The following KIAA1549 variants were observed in gnomAD, a reference collection of about 807,000 sequenced individuals.
The protein encoded by KIAA1549 is KIAA1549, also known as UPF0606 protein KIAA1549.
In KIAA1549, 70 loss-of-function variants were observed where a neutral mutation model predicts 156.4. The observed-to-expected ratio is 0.45, with a 90% CI of 0.37 to 0.55. The LOEUF (loss-of-function observed/expected upper bound fraction) is 0.55. Among genes scored for constraint, KIAA1549 ranks in the 20% least tolerant of loss-of-function variants. The pLI is 0.00. For synonymous variants in KIAA1549, 1,103 were observed against 1,066.4 expected (o/e 1.03, Z -0.67); for missense variants, 2,428 against 2,540.9 (o/e 0.96, Z 0.96).
intron 8 of KIAA1549, among the ~76,000 whole-genome samples, chr7:138,901,596 A>ATTAG (rs1193309975): frequency 6.6e-6 from 1 of 152,126 alleles, no homozygotes; most frequent in Non-Finnish European, 1.5e-5. Flanking sequence ...AAGTGCTGGG[A>ATTAG]TTAGAGGTGT....
intron 8 of KIAA1549, among the ~76,000 whole-genome samples, chr7:138,903,221 A>G (rs1666006082): frequency 2.0e-5 from 3 of 152,138 alleles, no homozygotes. Flanking sequence ...TATCGCTATG[A>G]TGCTATCAAT....
At position 138,871,076 on chromosome 7, in the gene KIAA1549, C is replaced by A. The variant is rs78932570; in HGVS notation, c.4551+81G>T. The A allele has an allele frequency of 1.1e-4, 150 of 1,376,028 alleles. 1 individual carries two copies. Among genetic ancestry groups the A allele is most frequent in the South Asian group, 9.0e-4 (72 of 79,796 alleles). The allele number at this position is 1,376,028 out of a possible 1,614,324, so 85.2% of individuals were successfully genotyped here. ...AGGCGATCTGCCTGCCTTGGCCCCC[C>A]CAAGTGCTGGGATTACAGGCATAAG... On this transcript the variant is annotated intron_variant, in intron 13 of 19. Coordinates refer to ENST00000422774, the MANE Select transcript of KIAA1549 (RefSeq NM_001164665.2).
chr7:138,845,149 A>C (rs1025341588), intron 17 of KIAA1549, among the ~76,000 whole-genome samples: 10 of 152,194 alleles, frequency 6.6e-5, no homozygotes, highest in Admixed American at 2.6e-4. Context: ...TTAAAATGGA[A>C]AAAAAGTAAG....
chr7:138,964,719 T>C (rs1404326270), intron 1 of KIAA1549, among the ~76,000 whole-genome samples: 2 of 152,218 alleles, frequency 1.3e-5, no homozygotes, highest in Non-Finnish European at 2.9e-5. Context: ...CAATAAAGAC[T>C]GGTCACAGCC....
intron 9 of KIAA1549, among the ~76,000 whole-genome samples, chr7:138,895,980 G>A (rs1370126190): frequency 4.4e-5 from 4 of 90,028 alleles, no homozygotes; most frequent in Admixed American, 1.3e-4. Context: ...CACCCCACCC[G>A]GCCCCCACTT....
Position 138,832,154 on chromosome 7 carries a change from T to G in KIAA1549, c.*5752A>C. ...AATCAGGGACTGCAAGAGACTCAAGTCACTCAAAATTTCACCTCTGTCCCT... is the reference window on the plus strand; with the variant it reads ...AATCAGGGACTGCAAGAGACTCAAGGCACTCAAAATTTCACCTCTGTCCCT... On this transcript the variant is annotated 3_prime_UTR_variant, in exon 20 of 20. Transcript: ENST00000422774. 1 of 219,234 alleles carries G rather than the reference T, an allele frequency of 4.6e-6. No homozygotes were observed. Among genetic ancestry groups the G allele is most frequent in the Non-Finnish European group, 9.1e-6 (1 of 109,720 alleles). The allele number at this position is 219,234 out of a possible 1,614,324, so 13.6% of individuals were successfully genotyped here. A position where few individuals can be genotyped will look rare whatever the true frequency, so the allele number is the denominator to read the frequency against.
At chr7:138,943,397 T>C (rs1335801971) in intron 1 of KIAA1549, among the ~76,000 whole-genome samples, 1 of 152,236 alleles carries the variant, frequency 6.6e-6, no homozygotes, top group Non-Finnish European at 1.5e-5. Context: ...CTCATGCCTG[T>C]GGAAGAAAAC....
chr7:138,917,759 C>A lies in KIAA1549; in HGVS notation c.1867G>T (p.Ala623Ser). The A allele has an allele frequency of 6.3e-7, 1 of 1,580,928 alleles. No individual in the cohort carries two copies. ...GGGGGTGTTGAGAAAAAGCTGGATG[C>A]AAAATCCAAAGCACCTCTGGGTTTA... ...EHKPRGALDF[A>S]SSFFSTPPLE... Residue 623 changes from alanine (A) to serine (S), a missense_variant, in exon 2 of 20, where the codon GCA (alanine) becomes TCA (serine). Ala to Ser is a moderately conservative substitution (Grantham distance 99). Coordinates refer to ENST00000422774, the MANE Select transcript of KIAA1549 (RefSeq NM_001164665.2).
At position 138,855,554 on chromosome 7, in the gene KIAA1549, T is replaced by C. The variant is rs114222211; in HGVS notation, c.5248-3285A>G. On this transcript the variant is annotated intron_variant, in intron 16 of 19. Transcript: ENST00000422774. ...TAAATGACTCCAGCTTTCCATACCT[T>C]TCCTTTGCAGCACCTGGTCTATCAT... Among the ~76,000 whole-genome samples the C allele has an allele frequency of 1.3e-3, 205 of 152,288 alleles. 1 individual carries two copies. The highest frequency in any genetic ancestry group is 4.8e-3 in the African/African-American group (200 of 41,568).
intron 1 of KIAA1549, among the ~76,000 whole-genome samples, chr7:138,957,079 A>G (rs1054519836): frequency 2.0e-5 from 3 of 152,214 alleles, no homozygotes; most frequent in African/African-American, 4.8e-5. Flanking sequence ...GCAAATGAGG[A>G]AGAGAAGTGC....
chr7:138,909,198 A>G, intron 4 of KIAA1549, 77 bp from the exon 5 acceptor site: 1 of 1,444,488 alleles, frequency 6.9e-7, no homozygotes. Context: ...AGAGAGAGAA[A>G]CATCGTATCT....
chr7:138,901,316 CTT>C (rs902026635), intron 8 of KIAA1549, among the ~76,000 whole-genome samples: 1 of 148,308 alleles, frequency 6.7e-6, no homozygotes, highest in African/African-American at 2.6e-5. Context: ...TGTAGCCTCT[CTT>C]GAGTTTTATT....
At position 138,878,481 on chromosome 7, in the gene KIAA1549, C is replaced by T. The variant is rs544972251; in HGVS notation, c.4345+1057G>A. On this transcript the variant is annotated intron_variant, in intron 12 of 19. Transcript: ENST00000422774. ...ATTCCTATTAAAAATAATATCCTGG[C>T]CGGGCGTGGTGGCTCATGCCTATAA... Among the ~76,000 whole-genome samples the T allele has an allele frequency of 3.9e-5, 6 of 152,306 alleles. 1 individual carries two copies. Among genetic ancestry groups the T allele is most frequent in the African/African-American group, 1.4e-4 (6 of 41,572 alleles).
Position 138,844,390 on chromosome 7 carries a change from TG to T in KIAA1549, c.5378del (p.Pro1793HisfsTer32). 6.2e-7 allele frequency: 1 copy of T among 1,610,924 alleles called. No homozygotes were observed. Among genetic ancestry groups the T allele is most frequent in the Non-Finnish European group, 8.5e-7 (1 of 1,178,274 alleles). On this transcript the variant is annotated frameshift_variant, in exon 18 of 20. Coordinates refer to ENST00000422774, the MANE Select transcript of KIAA1549 (RefSeq NM_001164665.2). LOFTEE classifies it high-confidence loss of function. ...PQQPQASAEA[P>X]FAARGIYSEE... ...CCGAGTAGATCCCTCTGGCAGCAAA[TG>T]GGGCTTCGGCGGAGGCCTGTGGCTG... is the stretch of plus-strand genomic sequence containing the variant.
At chr7:138,926,277 C>CCTTTTT (rs201750877) in intron 1 of KIAA1549, among the ~76,000 whole-genome samples, 3,691 of 151,078 alleles carry the variant, frequency 0.024, 74 homozygotes, top group Admixed American at 0.042. Context: ...GCAACTTTTT[C>CCTTTTT]CTTTTTCTTT....
rs1554407893 is a variant in KIAA1549, at chr7:138,834,984, AAC to A, written c.*2920_*2921del. 39 of 229,028 alleles carry A rather than the reference AAC, an allele frequency of 1.7e-4. No individual in the cohort carries two copies. Among genetic ancestry groups the A allele is most frequent in the African/African-American group, 8.4e-4 (38 of 45,162 alleles). The allele number at this position is 229,028 out of a possible 1,614,324, so 14.2% of individuals were successfully genotyped here. A position where few individuals can be genotyped will look rare whatever the true frequency, so the allele number is the denominator to read the frequency against. ...CAAAGTAGTCTCTGAAAAAAAAAAAAACAACATTTCTCCAAACATTCTGACTC... is the reference window on the plus strand; with the variant it reads ...CAAAGTAGTCTCTGAAAAAAAAAAAAAACATTTCTCCAAACATTCTGACTC... On this transcript the variant is annotated 3_prime_UTR_variant, in exon 20 of 20. Coordinates refer to ENST00000422774, the MANE Select transcript of KIAA1549 (RefSeq NM_001164665.2).
chr7:138,911,404 A>G (rs1253067424), intron 3 of KIAA1549, 81 bp from the exon 4 acceptor site: 4 of 1,078,722 alleles, frequency 3.7e-6, no homozygotes, highest in Non-Finnish European at 5.3e-6. Flanking sequence ...TATAAACTAA[A>G]AAAACTGGTA....
chr7:138,834,445 G>A lies in KIAA1549; in HGVS notation c.*3461C>T, dbSNP rs1182427185. The A allele has an allele frequency of 4.9e-6, 1 of 205,636 alleles. No individual in the cohort carries two copies. Among genetic ancestry groups the A allele is most frequent in the South Asian group, 1.9e-4 (1 of 5,256 alleles). The allele number at this position is 205,636 out of a possible 1,614,324, so 12.7% of individuals were successfully genotyped here. A position where few individuals can be genotyped will look rare whatever the true frequency, so the allele number is the denominator to read the frequency against. On this transcript the variant is annotated 3_prime_UTR_variant, in exon 20 of 20. Coordinates refer to ENST00000422774, the MANE Select transcript of KIAA1549 (RefSeq NM_001164665.2). ...ATTACAGGCGTGAGCCACCGCGCCT[G>A]ATCTCTTCGAATGAATTTTATTGAC... is the stretch of plus-strand genomic sequence containing the variant.
intron 1 of KIAA1549, among the ~76,000 whole-genome samples, chr7:138,957,910 C>T (rs975600582): frequency 3.3e-5 from 5 of 152,172 alleles, no homozygotes; most frequent in African/African-American, 9.7e-5. Flanking sequence ...TCCAAGCAAC[C>T]GTGCATTTCG....
Sources: gnomAD v4.1 joint callset for allele counts (sites outside exome capture counted in the v4.1 genomes callset) on GRCh38, gnomAD v4.1.1 for gene constraint, MANE v1.5 for transcripts, NCBI Gene and HGNC (gene_info 2026-07-23, HGNC 2026-07-21) for gene names.